Variants in TSPAN9 observed in about 807,000 individuals in gnomAD.
The protein encoded by TSPAN9 is tetraspanin 9.
A neutral mutation model predicts 31.0 loss-of-function variants in TSPAN9; 16 were observed. That is an observed-to-expected ratio of 0.52 (90% CI 0.35 to 0.78). TSPAN9 has a LOEUF of 0.78. Ranked by LOEUF, TSPAN9 falls within the 30% of genes least tolerant of loss-of-function variation. The probability of loss-of-function intolerance (pLI) is 0.01; values close to 1 mark genes in which losing one functional copy is unlikely to be tolerated. For missense variants in TSPAN9, 272 were observed against 312.5 expected (o/e 0.87, Z 0.98); for synonymous variants, 145 against 121.6 (o/e 1.19, Z -1.27).
intron 2 of TSPAN9, among the ~76,000 whole-genome samples, chr12:3,117,055 G>T (rs749401193): frequency 3.3e-5 from 5 of 152,160 alleles, no homozygotes; most frequent in Non-Finnish European, 7.3e-5. Flanking sequence ...AAGCAGGATG[G>T]CTTTAGGAAA....
intron 2 of TSPAN9, among the ~76,000 whole-genome samples, chr12:3,111,709 G>A (rs2098318839): frequency 6.6e-6 from 1 of 151,182 alleles, no homozygotes; most frequent in South Asian, 2.1e-4. Context: ...CGCTTTCTTG[G>A]TTCAAACAAT....
chr12:3,231,778 G>A (rs189293820), intron 3 of TSPAN9, among the ~76,000 whole-genome samples: 2 of 152,316 alleles, frequency 1.3e-5, no homozygotes, highest in East Asian at 1.9e-4. Flanking sequence ...TTTCACTTTG[G>A]GGGCTGTCTG....
intron 3 of TSPAN9, among the ~76,000 whole-genome samples, chr12:3,243,443 T>G (rs2098397677): frequency 6.6e-6 from 1 of 152,094 alleles, no homozygotes; most frequent in Admixed American, 6.5e-5. Flanking sequence ...TTCACGGCAG[T>G]TTGTGGTGCA....
At chr12:3,246,341 C>G (rs999657268) in intron 3 of TSPAN9, among the ~76,000 whole-genome samples, 2 of 152,054 alleles carry the variant, frequency 1.3e-5, no homozygotes, top group Admixed American at 6.5e-5. Context: ...TGGTGGGGAC[C>G]AATATCCAAA....
At chr12:3,245,152 G>A (rs374775959) in intron 3 of TSPAN9, among the ~76,000 whole-genome samples, 5 of 152,206 alleles carry the variant, frequency 3.3e-5, no homozygotes, top group African/African-American at 9.6e-5. Flanking sequence ...CTCTGGCAGC[G>A]CCTGGTTCTG....
At chr12:3,174,966 C>A (rs375391191) in intron 2 of TSPAN9, among the ~76,000 whole-genome samples, 1 of 151,944 alleles carries the variant, frequency 6.6e-6, no homozygotes, top group Non-Finnish European at 1.5e-5. Flanking sequence ...CCTTACACCC[C>A]CTGCCCTGCC....
intron 3 of TSPAN9, among the ~76,000 whole-genome samples, chr12:3,266,525 G>C (rs1425147614): frequency 6.6e-6 from 1 of 152,180 alleles, no homozygotes; most frequent in African/African-American, 2.4e-5. Context: ...CGTTTGTCTG[G>C]GGAAACTGTG....
At chr12:3,193,943 T>C (rs150320010) in intron 2 of TSPAN9, among the ~76,000 whole-genome samples, 194 of 152,354 alleles carry the variant, frequency 1.3e-3, no homozygotes, top group African/African-American at 4.5e-3. Flanking sequence ...TTTGCACTCT[T>C]ATCTGTAGCT....
chr12:3,126,511 T>C (rs1383874693), intron 2 of TSPAN9, among the ~76,000 whole-genome samples: 1 of 152,186 alleles, frequency 6.6e-6, no homozygotes, highest in Admixed American at 6.5e-5. Flanking sequence ...ACCTTTTCTA[T>C]GTGTACACTA....
At chr12:3,233,074 C>G (rs958613307) in intron 3 of TSPAN9, among the ~76,000 whole-genome samples, 2 of 152,112 alleles carry the variant, frequency 1.3e-5, no homozygotes, top group Admixed American at 1.3e-4. Flanking sequence ...GGAAAGCCAC[C>G]CAGGAATGGG....
At chr12:3,217,845 G>C (rs981360472) in intron 3 of TSPAN9, among the ~76,000 whole-genome samples, 1 of 151,998 alleles carries the variant, frequency 6.6e-6, no homozygotes, top group African/African-American at 2.4e-5. Flanking sequence ...CTTGCTTCTC[G>C]GTGTCACCAC....
At chr12:3,105,856 TCA>T (rs3062079) in intron 2 of TSPAN9, among the ~76,000 whole-genome samples, 56,106 of 142,068 alleles carry the variant, frequency 0.39, 11,333 homozygotes, top group Admixed American at 0.51. Flanking sequence ...TCACACACGT[TCA>T]CACACACACG....
chr12:3,151,503 G>A (rs996699640), intron 2 of TSPAN9: 3 of 152,156 alleles, frequency 2.0e-5, no homozygotes, highest in Non-Finnish European at 2.9e-5. Flanking sequence ...GGCCCCTGTC[G>A]GCCCCCTCCA....
chr12:3,135,764 C>G (rs1417453365), intron 2 of TSPAN9, among the ~76,000 whole-genome samples: 1 of 152,198 alleles, frequency 6.6e-6, no homozygotes, highest in East Asian at 1.9e-4. Context: ...TTCCACATCT[C>G]ACTGATTCCA....
At chr12:3,191,627 G>A (rs900038012) in intron 2 of TSPAN9, among the ~76,000 whole-genome samples, 4 of 152,124 alleles carry the variant, frequency 2.6e-5, no homozygotes, top group Admixed American at 2.6e-4. Flanking sequence ...CTCCCTGCTG[G>A]CCCTGCCTGC....
At chr12:3,106,274 C>T (rs1468401729) in intron 2 of TSPAN9, among the ~76,000 whole-genome samples, 4 of 152,238 alleles carry the variant, frequency 2.6e-5, no homozygotes, top group Non-Finnish European at 5.9e-5. Context: ...GGTGGAGTCC[C>T]ACAATAATGG....
chr12:3,093,111 C>T (rs1451381608), intron 2 of TSPAN9, among the ~76,000 whole-genome samples: 1 of 152,220 alleles, frequency 6.6e-6, no homozygotes, highest in East Asian at 1.9e-4. Flanking sequence ...GCTTTTGGGG[C>T]CGCTGGCCTT....
chr12:3,186,368 G>T (rs534094892), intron 2 of TSPAN9, among the ~76,000 whole-genome samples: 15 of 152,302 alleles, frequency 9.8e-5, no homozygotes, highest in Admixed American at 8.5e-4. Flanking sequence ...GTCAGGGAAG[G>T]CCTCATGGAG....
chr12:3,120,394 G>A (rs768202975), intron 2 of TSPAN9, among the ~76,000 whole-genome samples: 1 of 152,130 alleles, frequency 6.6e-6, no homozygotes, highest in African/African-American at 2.4e-5. Flanking sequence ...GAGCTCCTCT[G>A]TCTGGGGACC....
Sources: allele counts gnomAD v4.1 joint callset (sites outside exome capture counted in the v4.1 genomes callset), GRCh38; gene constraint gnomAD v4.1.1; transcripts MANE v1.5; gene names NCBI Gene and HGNC (gene_info 2026-07-23, HGNC 2026-07-21).